Variants in DGKB observed in about 807,000 individuals in gnomAD.
The protein encoded by DGKB is diacylglycerol kinase beta, also known as 90 kDa diacylglycerol kinase.
In DGKB, 67 loss-of-function variants were observed where a neutral mutation model predicts 114.3. The observed-to-expected ratio is 0.59, with a 90% CI of 0.48 to 0.72. The LOEUF (loss-of-function observed/expected upper bound fraction) is 0.72, where lower values mean the gene tolerates loss of function less well. Ranked by LOEUF, DGKB falls within the 30% of genes least tolerant of loss-of-function variation. The pLI is 0.00. For synonymous variants in DGKB, 398 were observed against 323.1 expected (o/e 1.23, Z -2.49); for missense variants, 907 against 975.2 (o/e 0.93, Z 0.93).
At chr7:14,410,797 G>C (rs1051281371) in intron 21 of DGKB, among the ~76,000 whole-genome samples, 13 of 65,358 alleles carry the variant, frequency 2.0e-4, no homozygotes, top group African/African-American at 5.5e-4. Flanking sequence ...AAATCAAAAT[G>C]ATAAAAGATA....
At chr7:14,756,475 C>T (rs866587847) in intron 3 of DGKB, among the ~76,000 whole-genome samples, 1 of 151,630 alleles carries the variant, frequency 6.6e-6, no homozygotes, top group Non-Finnish European at 1.5e-5. Context: ...TTATTTTCTC[C>T]ATCATTTATA....
intron 17 of DGKB, among the ~76,000 whole-genome samples, chr7:14,585,785 T>C (rs1584966525): frequency 6.6e-6 from 1 of 152,168 alleles, no homozygotes; most frequent in African/African-American, 2.4e-5. Flanking sequence ...ATTATCGCAA[T>C]ATTTCAAGCT....
intron 13 of DGKB, among the ~76,000 whole-genome samples, chr7:14,641,196 C>A (rs943734808): frequency 1.1e-4 from 16 of 152,092 alleles, no homozygotes; most frequent in South Asian, 8.3e-4. Flanking sequence ...AAAATTAAAT[C>A]TCATTGTTTT....
chr7:14,521,437 G>A (rs1001983259), intron 20 of DGKB, among the ~76,000 whole-genome samples: 9 of 152,182 alleles, frequency 5.9e-5, no homozygotes, highest in Admixed American at 5.2e-4. Context: ...ATTTGTGGTT[G>A]GTTGATTTTA....
chr7:14,236,491 A>T (rs1051511788), intron 23 of DGKB, among the ~76,000 whole-genome samples: 3 of 151,966 alleles, frequency 2.0e-5, no homozygotes, highest in African/African-American at 7.2e-5. Flanking sequence ...CAACATATAC[A>T]TTGAGAAAAG....
chr7:14,188,512 T>G (rs1783797120), intron 23 of DGKB, among the ~76,000 whole-genome samples: 1 of 144,166 alleles, frequency 6.9e-6, no homozygotes, highest in African/African-American at 2.5e-5. Flanking sequence ...TACAAAAAAT[T>G]AGCCGGGCGT....
chr7:14,842,966 G>A (rs973982939), intron 1 of DGKB, among the ~76,000 whole-genome samples: 39 of 152,176 alleles, frequency 2.6e-4, no homozygotes, highest in Non-Finnish European at 4.7e-4. Flanking sequence ...CCAGCACACT[G>A]GGAGGCTGAG....
chr7:14,546,037 A>T (rs1794229730), intron 20 of DGKB, among the ~76,000 whole-genome samples: 1 of 152,206 alleles, frequency 6.6e-6, no homozygotes. Context: ...ACTGATAATC[A>T]TTAGACATGT....
At chr7:14,498,229 A>C (rs1367968837) in intron 20 of DGKB, among the ~76,000 whole-genome samples, 1 of 151,832 alleles carries the variant, frequency 6.6e-6, no homozygotes, top group Non-Finnish European at 1.5e-5. Flanking sequence ...CCTTAATAGC[A>C]TTTGTTGATT....
At chr7:14,648,333 G>C (rs569999794) in intron 13 of DGKB, among the ~76,000 whole-genome samples, 25 of 152,282 alleles carry the variant, frequency 1.6e-4, no homozygotes, top group African/African-American at 5.8e-4. Context: ...GTGGGTCCCT[G>C]ACCCCTGACC....
chr7:14,581,723 G>A (rs1799960715), intron 18 of DGKB, among the ~76,000 whole-genome samples: 1 of 152,004 alleles, frequency 6.6e-6, no homozygotes, highest in African/African-American at 2.4e-5. Flanking sequence ...AGGGATAGAG[G>A]GGATAGATAA....
intron 21 of DGKB, among the ~76,000 whole-genome samples, chr7:14,364,182 C>A (rs1351700812): frequency 1.3e-5 from 2 of 151,876 alleles, no homozygotes; most frequent in Non-Finnish European, 2.9e-5. Context: ...ATAAAAAAAA[C>A]AACTAATGCA....
chr7:14,449,162 G>C (rs1161165619), intron 21 of DGKB, among the ~76,000 whole-genome samples: 2 of 152,010 alleles, frequency 1.3e-5, no homozygotes, highest in African/African-American at 4.8e-5. Flanking sequence ...GATAAGATCT[G>C]TTCTTTTTAC....
At chr7:14,714,409 G>A (rs10272162) in intron 6 of DGKB, among the ~76,000 whole-genome samples, 11,314 of 152,048 alleles carry the variant, frequency 0.074, 735 homozygotes, top group African/African-American at 0.18. Context: ...GTCAAACTGT[G>A]GAGTCAGATC....
chr7:14,892,275 T>G (rs973986711), intron 1 of DGKB, among the ~76,000 whole-genome samples: 2 of 151,096 alleles, frequency 1.3e-5, no homozygotes, highest in African/African-American at 4.8e-5. Context: ...TGGAAAGAAG[T>G]AGAATGTCAG....
At chr7:14,287,887 T>C (rs1801124781) in intron 23 of DGKB, among the ~76,000 whole-genome samples, 1 of 152,142 alleles carries the variant, frequency 6.6e-6, no homozygotes, top group Non-Finnish European at 1.5e-5. Context: ...GTGAAGTTTA[T>C]CTAAAAGGTG....
intron 20 of DGKB, among the ~76,000 whole-genome samples, chr7:14,496,117 T>G (rs571569808): frequency 2.0e-5 from 3 of 151,886 alleles, no homozygotes; most frequent in Non-Finnish European, 4.4e-5. Flanking sequence ...CTGACTTGCA[T>G]TTTTAAAAAA....
chr7:14,852,489 A>AAAAAAAAAAAACAAAAAAAC lies in DGKB; in HGVS notation c.-187-11040_-187-11039insGTTTTTTTGTTTTTTTTTTT, dbSNP rs1478524422. Reference sequence around the variant, plus strand: ...GGAATAGCTAAAATAGTGAAAGTCAAAAAAAAAACAGAAATCAAGCATAGT... The same window carrying AAAAAAAAAAAACAAAAAAAC: ...GGAATAGCTAAAATAGTGAAAGTCAAAAAAAAAAAAACAAAAAAACAAAAAAAACAGAAATCAAGCATAGT... On this transcript the variant is annotated intron_variant, in intron 1 of 25. Coordinates refer to ENST00000402815, the MANE Select transcript of DGKB (RefSeq NM_001350709.2). Among the ~76,000 whole-genome samples, 3 of 149,380 alleles carry AAAAAAAAAAAACAAAAAAAC rather than the reference A, an allele frequency of 2.0e-5. No homozygotes were observed. The South Asian group carries it at 6.3e-4, about 31-fold the overall frequency.
At chr7:14,571,134 T>C (rs926771092) in intron 20 of DGKB, among the ~76,000 whole-genome samples, 2 of 152,124 alleles carry the variant, frequency 1.3e-5, no homozygotes, top group East Asian at 3.9e-4. Context: ...CCACTGGAAA[T>C]TGACCAAAGC....
Sources: allele counts gnomAD v4.1 joint callset (sites outside exome capture counted in the v4.1 genomes callset), GRCh38; gene constraint gnomAD v4.1.1; transcripts MANE v1.5; gene names NCBI Gene and HGNC (gene_info 2026-07-23, HGNC 2026-07-21).